The following PPP2R2B variants were observed in gnomAD, a reference collection of about 807,000 sequenced individuals.
PPP2R2B encodes the protein serine/threonine-protein phosphatase 2A 55 kDa regulatory subunit B beta isoform.
Under a neutral mutation model 46.0 loss-of-function variants are expected in PPP2R2B, and 5 were observed. The observed-to-expected ratio is 0.11, with a 90% CI of 0.06 to 0.23. The LOEUF is 0.23. Among genes scored for constraint, PPP2R2B ranks in the 10% least tolerant of loss-of-function variants. The pLI, the probability that PPP2R2B is intolerant of heterozygous loss-of-function variation, is 1.00. For missense variants in PPP2R2B, 367 were observed against 575.0 expected (o/e 0.64, Z 3.70); for synonymous variants, 215 against 206.7 (o/e 1.04, Z -0.34).
At chr5:146,672,096 T>C (rs1777410653) in intron 5 of PPP2R2B, among the ~76,000 whole-genome samples, 1 of 152,138 alleles carries the variant, frequency 6.6e-6, no homozygotes, top group African/African-American at 2.4e-5. Context: ...AATTTATTGA[T>C]CGACAAGTAA....
intron 5 of PPP2R2B, among the ~76,000 whole-genome samples, chr5:146,676,315 G>A (rs1231599167): frequency 1.3e-5 from 2 of 152,044 alleles, no homozygotes; most frequent in African/African-American, 4.8e-5. Flanking sequence ...GGAAAAAAGC[G>A]AGTTCCTTAA....
intron 1 of PPP2R2B, among the ~76,000 whole-genome samples, chr5:146,893,494 C>G (rs1180907683): frequency 1.2e-4 from 18 of 152,136 alleles, no homozygotes; most frequent in Admixed American, 1.2e-3. Context: ...GGTGTCATGT[C>G]CTATAAATCC....
At chr5:146,800,571 T>C (rs1214491512) in intron 2 of PPP2R2B, among the ~76,000 whole-genome samples, 1 of 151,370 alleles carries the variant, frequency 6.6e-6, no homozygotes, top group Non-Finnish European at 1.5e-5. Context: ...CCTGATGGTA[T>C]TTTTTTCTGG....
At chr5:146,933,451 CTCAGA>C (rs1293341358) in intron 1 of PPP2R2B, among the ~76,000 whole-genome samples, 1 of 152,030 alleles carries the variant, frequency 6.6e-6, no homozygotes, top group Non-Finnish European at 1.5e-5. Flanking sequence ...CCCATTCTCT[CTCAGA>C]TAAGTATTTT....
intron 2 of PPP2R2B, among the ~76,000 whole-genome samples, chr5:146,765,825 A>T (rs1042866991): frequency 3.3e-5 from 5 of 152,212 alleles, no homozygotes; most frequent in Non-Finnish European, 7.3e-5. Context: ...TTTCTCAAAC[A>T]GCCATCAGAG....
At chr5:146,977,733 C>G (rs886181114) in intron 1 of PPP2R2B, among the ~76,000 whole-genome samples, 1 of 152,134 alleles carries the variant, frequency 6.6e-6, no homozygotes, top group Admixed American at 6.5e-5. Context: ...GTGTAGTATT[C>G]CATGGTGTAT....
rs995031141 is a variant in PPP2R2B, at chr5:147,037,599, A to G, written c.79+18066T>C. ...TGTGTGTAAAAGTATGTGTTGAGTG[A>G]GCAAGAAACTTTTGTGTATCATGGG... On this transcript the variant is annotated intron_variant, in intron 1 of 8. Coordinates refer to the PPP2R2B transcript ENST00000336640. Among the ~76,000 whole-genome samples the G allele has an allele frequency of 5.9e-5, 9 of 152,158 alleles. No individual in the cohort carries two copies. The South Asian group carries it at 1.5e-3, about 25-fold the overall frequency.
At chr5:146,883,613 G>T (rs1047263463), upstream of PPP2R2B, among the ~76,000 whole-genome samples, 2 of 152,108 alleles carry the variant, frequency 1.3e-5, no homozygotes, top group Non-Finnish European at 2.9e-5. Context: ...CTCTATTGTG[G>T]AATCATATGG....
At chr5:146,893,978 G>A (rs1359881417) in intron 1 of PPP2R2B, among the ~76,000 whole-genome samples, 3 of 151,886 alleles carry the variant, frequency 2.0e-5, no homozygotes, top group Admixed American at 6.6e-5. Flanking sequence ...CCCAGGAGGC[G>A]GAGATTGCAG....
chr5:146,595,045 T>C (rs1280868888), intron 8 of PPP2R2B, among the ~76,000 whole-genome samples: 1 of 152,218 alleles, frequency 6.6e-6, no homozygotes, highest in East Asian at 1.9e-4. Context: ...TGAAAAGCTC[T>C]GAGTTATTTG....
chr5:146,769,904 AC>A (rs1375501442), intron 2 of PPP2R2B, among the ~76,000 whole-genome samples: 1 of 152,186 alleles, frequency 6.6e-6, no homozygotes, highest in Non-Finnish European at 1.5e-5. Context: ...CTTGTCTTTG[AC>A]CTAGTTATTC....
rs1770437347 is a variant in PPP2R2B at position 146,589,967 on chromosome 5, A to C, written c.1312T>G (p.Phe438Val). ...AVAATNNLYI[F>V]QDKVN ...TCCACCTAGTTAACCTTGTCCTGGA[A>C]TATATATAGGTTATTTGTAGCCGCC... Residue 438 changes from phenylalanine to valine, a missense_variant, in exon 10 of 10, where the codon TTC (phenylalanine) becomes GTC (valine). Transcript: ENST00000394411. The C allele has an allele frequency of 6.2e-7, 1 of 1,613,782 alleles. No individual in the cohort carries two copies. Among genetic ancestry groups the C allele is most frequent in the Non-Finnish European group, 8.5e-7 (1 of 1,179,796 alleles).
At chr5:146,804,016 A>T (rs1470037623) in intron 2 of PPP2R2B, among the ~76,000 whole-genome samples, 2 of 152,054 alleles carry the variant, frequency 1.3e-5, no homozygotes, top group East Asian at 1.9e-4. Flanking sequence ...AAATAAAAAA[A>T]ATTAGACGGG....
intron 1 of PPP2R2B, among the ~76,000 whole-genome samples, chr5:146,938,940 C>T (rs150658936): frequency 6.6e-6 from 1 of 151,758 alleles, no homozygotes; most frequent in East Asian, 1.9e-4. Flanking sequence ...GCTGCCACAC[C>T]TGGCTAATTT....
At chr5:146,608,543 TC>T (rs1237114084) in intron 7 of PPP2R2B, among the ~76,000 whole-genome samples, 1 of 152,042 alleles carries the variant, frequency 6.6e-6, no homozygotes, top group Non-Finnish European at 1.5e-5. Context: ...ACACCTGTAA[TC>T]CCAGCACTTT....
intron 1 of PPP2R2B, among the ~76,000 whole-genome samples, chr5:147,010,108 G>A (rs991776405): frequency 6.6e-6 from 1 of 152,090 alleles, no homozygotes; most frequent in African/African-American, 2.4e-5. Context: ...TCCAATTTTT[G>A]TGGTTGACAT....
chr5:146,734,143 T>C (rs1451658261), intron 2 of PPP2R2B, among the ~76,000 whole-genome samples: 1 of 151,608 alleles, frequency 6.6e-6, no homozygotes, highest in Non-Finnish European at 1.5e-5. Flanking sequence ...CAGCCTTAAC[T>C]TCCCTGGCTC....
chr5:146,600,499 C>T, intron 7 of PPP2R2B, 39 bp from the exon 8 acceptor site: 2 of 1,599,476 alleles, frequency 1.3e-6, no homozygotes, highest in South Asian at 2.2e-5. Flanking sequence ...TTTAGCAATC[C>T]TTATCAACTG....
At chr5:146,912,545 C>T (rs1763226993) in intron 1 of PPP2R2B, among the ~76,000 whole-genome samples, 1 of 150,346 alleles carries the variant, frequency 6.7e-6, no homozygotes, top group African/African-American at 2.5e-5. Flanking sequence ...ACAGAGTCTC[C>T]CTCTGTCGCC....
Sources: gnomAD v4.1 joint callset for allele counts (sites outside exome capture counted in the v4.1 genomes callset) on GRCh38, gnomAD v4.1.1 for gene constraint, MANE v1.5 for transcripts, NCBI Gene and HGNC (gene_info 2026-07-23, HGNC 2026-07-21) for gene names.